The following BMPR1B variants were observed in gnomAD, a reference collection of about 807,000 sequenced individuals.
BMPR1B encodes the protein bone morphogenetic protein receptor type-1B.
BMPR1B carries 12 observed loss-of-function variants against 59.1 expected under a neutral mutation model. That is an observed-to-expected ratio of 0.20 (90% CI 0.13 to 0.33). BMPR1B has a LOEUF of 0.33. Ranked by LOEUF, BMPR1B falls within the 10% of genes least tolerant of loss-of-function variation. BMPR1B has a pLI of 1.00. For missense variants in BMPR1B, 550 were observed against 610.9 expected (o/e 0.90, Z 1.05); for synonymous variants, 237 against 207.3 (o/e 1.14, Z -1.23).
chr4:95,142,130 G>A (rs561705080), intron 10 of BMPR1B, among the ~76,000 whole-genome samples: 1 of 152,212 alleles, frequency 6.6e-6, no homozygotes, highest in Admixed American at 6.5e-5. Context: ...GATTTCTTGG[G>A]ATTTTATCAT....
At chr4:94,991,570 C>G (rs1247749736) in intron 2 of BMPR1B, among the ~76,000 whole-genome samples, 1 of 152,154 alleles carries the variant, frequency 6.6e-6, no homozygotes, top group South Asian at 2.1e-4. Flanking sequence ...ATGCAGCTCT[C>G]TGCAAGAACA....
At chr4:94,891,325 A>G (rs1335111561) in intron 2 of BMPR1B, among the ~76,000 whole-genome samples, 4 of 152,096 alleles carry the variant, frequency 2.6e-5, no homozygotes, top group Non-Finnish European at 5.9e-5. Context: ...AATTTTCTGC[A>G]GATAAATACT....
At chr4:94,876,426 G>A (rs1318787996) in intron 2 of BMPR1B, among the ~76,000 whole-genome samples, 1 of 152,140 alleles carries the variant, frequency 6.6e-6, no homozygotes, top group Non-Finnish European at 1.5e-5. Context: ...ACGTTAACTT[G>A]GAGACTCTTT....
At chr4:95,135,624 A>G (rs1234839706) in intron 10 of BMPR1B, among the ~76,000 whole-genome samples, 1 of 152,156 alleles carries the variant, frequency 6.6e-6, no homozygotes, top group Non-Finnish European at 1.5e-5. Context: ...CTTTGAAGCA[A>G]TTGTGAATGG....
At chr4:94,931,052 C>T (rs555645629) in intron 2 of BMPR1B, among the ~76,000 whole-genome samples, 1 of 152,092 alleles carries the variant, frequency 6.6e-6, no homozygotes, top group Non-Finnish European at 1.5e-5. Context: ...CTTTTCCTTT[C>T]TGAAACTACT....
At chr4:94,964,525 TTAATC>T (rs1244851845) in intron 2 of BMPR1B, among the ~76,000 whole-genome samples, 2 of 152,150 alleles carry the variant, frequency 1.3e-5, no homozygotes, top group Non-Finnish European at 2.9e-5. Context: ...ACAATGTTGA[TTAATC>T]ACTGATGAGG....
At chr4:95,048,022 G>C (rs573365048) in intron 3 of BMPR1B, among the ~76,000 whole-genome samples, 1 of 152,190 alleles carries the variant, frequency 6.6e-6, no homozygotes, top group East Asian at 1.9e-4. Context: ...CTAATGTTAA[G>C]TTCCCACTTT....
chr4:95,145,140 T>G (rs1734550522), intron 10 of BMPR1B, among the ~76,000 whole-genome samples: 1 of 152,194 alleles, frequency 6.6e-6, no homozygotes, highest in Admixed American at 6.5e-5. Context: ...TTAAAAGAAA[T>G]AAAATGTTGA....
chr4:95,012,501 T>G (rs748760550), intron 3 of BMPR1B, among the ~76,000 whole-genome samples: 5 of 152,222 alleles, frequency 3.3e-5, no homozygotes, highest in Non-Finnish European at 5.9e-5. Flanking sequence ...AAATTGATTC[T>G]TGATATATTT....
chr4:94,895,793 T>C (rs1452796791), intron 2 of BMPR1B, among the ~76,000 whole-genome samples: 2 of 151,918 alleles, frequency 1.3e-5, no homozygotes, highest in African/African-American at 4.8e-5. Context: ...TATTCTAAAA[T>C]AGATGGAAGT....
intron 1 of BMPR1B, among the ~76,000 whole-genome samples, chr4:94,875,408 G>A (rs1023157785): frequency 1.3e-5 from 2 of 152,174 alleles, no homozygotes; most frequent in Non-Finnish European, 2.9e-5. Flanking sequence ...AATGAGGCTG[G>A]ACGTGGTGGC....
At chr4:94,807,036 TTAAAA>T (rs1193896571) in intron 1 of BMPR1B, among the ~76,000 whole-genome samples, 1 of 152,200 alleles carries the variant, frequency 6.6e-6, no homozygotes, top group African/African-American at 2.4e-5. Flanking sequence ...GACATCTGTA[TTAAAA>T]TAATCAGATT....
intron 2 of BMPR1B, among the ~76,000 whole-genome samples, chr4:94,928,578 G>GTTT (rs1317894869): frequency 7.1e-6 from 1 of 141,326 alleles, no homozygotes; most frequent in Non-Finnish European, 1.5e-5. Flanking sequence ...AGGCTGGGTT[G>GTTT]TTTTTTTTTT....
intron 2 of BMPR1B, among the ~76,000 whole-genome samples, chr4:94,915,372 A>G (rs1728442769): frequency 6.6e-6 from 1 of 152,204 alleles, no homozygotes; most frequent in South Asian, 2.1e-4. Context: ...AGGGAAACAG[A>G]TAGTTATCAA....
intron 3 of BMPR1B, among the ~76,000 whole-genome samples, chr4:95,092,569 AT>A (rs1730071647): frequency 6.6e-6 from 1 of 152,090 alleles, no homozygotes; most frequent in African/African-American, 2.4e-5. Context: ...TATATACTAT[AT>A]TTTATACCTC....
At chr4:94,982,397 A>G (rs1187263706) in intron 2 of BMPR1B, among the ~76,000 whole-genome samples, 2 of 152,180 alleles carry the variant, frequency 1.3e-5, no homozygotes, top group Non-Finnish European at 2.9e-5. Flanking sequence ...TTATCTTCCA[A>G]AGGCTGCTTA....
At chr4:94,984,297 A>G (rs1415317647) in intron 2 of BMPR1B, among the ~76,000 whole-genome samples, 2 of 152,150 alleles carry the variant, frequency 1.3e-5, no homozygotes, top group African/African-American at 2.4e-5. Context: ...TTCCAGTAAC[A>G]CCTGATATGC....
intron 3 of BMPR1B, among the ~76,000 whole-genome samples, chr4:95,074,536 G>A (rs573580702): frequency 1.3e-5 from 2 of 151,940 alleles, no homozygotes; most frequent in East Asian, 1.9e-4. Flanking sequence ...TTCATTTTTC[G>A]TCATTGTTTT....
At chr4:94,989,955 C>A (rs945868827) in intron 2 of BMPR1B, among the ~76,000 whole-genome samples, 1 of 152,172 alleles carries the variant, frequency 6.6e-6, no homozygotes, top group Non-Finnish European at 1.5e-5. Context: ...AGATTAAAGT[C>A]ACAGTGAAAT....
Sources: gnomAD v4.1 joint callset for allele counts (sites outside exome capture counted in the v4.1 genomes callset) on GRCh38, gnomAD v4.1.1 for gene constraint, MANE v1.5 for transcripts, NCBI Gene and HGNC (gene_info 2026-07-23, HGNC 2026-07-21) for gene names.